Variants in TASOR2 observed in about 807,000 individuals in gnomAD.
TASOR2 encodes transcription activation suppressor family member 2, also known as protein TASOR 2.
A neutral mutation model predicts 199.5 loss-of-function variants in TASOR2; 84 were observed. That is an observed-to-expected ratio of 0.42 (90% CI 0.35 to 0.50). TASOR2 has a LOEUF of 0.50. Among genes scored for constraint, TASOR2 ranks in the 20% least tolerant of loss-of-function variants. TASOR2 has a pLI of 0.02. For synonymous variants in TASOR2, 1,103 were observed against 1,046.6 expected, an observed-to-expected ratio of 1.05 and a Z score of -1.04; for missense variants, 2,796 against 2,835.9, an observed-to-expected ratio of 0.99 and a Z score of 0.32.
intron 1 of TASOR2, among the ~76,000 whole-genome samples, chr10:5,703,746 G>A (rs1157304353): frequency 1.3e-5 from 2 of 151,222 alleles, no homozygotes; most frequent in South Asian, 2.1e-4. Flanking sequence ...CTCGTGATCC[G>A]CCCGCCTCTG....
rs1403919902 is a variant in TASOR2 at position 5,720,294 on chromosome 10, C to G, written c.-99-250C>G. 3 of 985,328 alleles carry G rather than the reference C, an allele frequency of 3.0e-6. No homozygotes were observed. Among genetic ancestry groups the G allele is most frequent in the Middle Eastern group, 5.2e-4 (1 of 1,914 alleles). The allele number at this position is 985,328 out of a possible 1,614,324, so 61.0% of individuals were successfully genotyped here. A position where few individuals can be genotyped will look rare whatever the true frequency, so the allele number is the denominator to read the frequency against. On this transcript the variant is annotated intron_variant, in intron 3 of 20. Transcript: ENST00000328090. This position sits in a 1 kb window ranked among gnomAD's most constrained non-coding sequence, Gnocchi z 5.3. ...AAGTTTGTGTCTGAGAATTATACAA[C>G]TAACTATACTAAGCCATCTTCTGGC...
intron 18 of TASOR2, among the ~76,000 whole-genome samples, chr10:5,760,164 G>C (rs1839589836): frequency 6.6e-6 from 1 of 152,194 alleles, no homozygotes; most frequent in South Asian, 2.1e-4. Context: ...CTGTACATGT[G>C]ACTGTACTGA....
At position 5,701,924 on chromosome 10, in the gene TASOR2, CT is replaced by C. The variant is rs71388466; in HGVS notation, c.-287-10895del. 0.66 allele frequency among the ~76,000 whole-genome samples: 100,669 copies of C among 152,038 alleles called. 33,604 individuals carry two copies. Among genetic ancestry groups the C allele is most frequent in the African/African-American group, 0.75 (31,073 of 41,482 alleles). Reference sequence around the variant, plus strand: ...TGTGAACAGGCTTATTTGACTTCTTCTTTTCTGATTTGGATGCCCTCTATTT... The same window carrying C: ...TGTGAACAGGCTTATTTGACTTCTTCTTTCTGATTTGGATGCCCTCTATTT... On this transcript the variant is annotated intron_variant, in intron 1 of 20. Coordinates refer to ENST00000328090, the Ensembl canonical transcript of TASOR2. The surrounding 1 kb of genome is among the most constrained non-coding windows in gnomAD (Gnocchi z 4.9).
At chr10:5,708,055 A>T (rs943805198) in intron 1 of TASOR2, among the ~76,000 whole-genome samples, 2 of 152,130 alleles carry the variant, frequency 1.3e-5, no homozygotes, top group African/African-American at 4.8e-5. Context: ...TTCTACCTCC[A>T]GTTCTTTTTG....
chr10:5,749,223 C>T, exon 15 of TASOR2: 4 of 1,614,122 alleles, frequency 2.5e-6, no homozygotes, highest in Non-Finnish European at 3.4e-6. Context: ...CAAAAGAACT[C>T]AAAGATACCA....
intron 1 of TASOR2, among the ~76,000 whole-genome samples, chr10:5,686,305 TGTTAAAATGG>T (rs540849572): frequency 6.6e-6 from 1 of 152,348 alleles, no homozygotes; most frequent in East Asian, 1.9e-4. Flanking sequence ...CAAACATAGT[TGTTAAAATGG>T]GTTAAAATCG....
At chr10:5,729,442 T>G (rs2131590960) in intron 10 of TASOR2, among the ~76,000 whole-genome samples, 1 of 152,342 alleles carries the variant, frequency 6.6e-6, no homozygotes, top group East Asian at 1.9e-4. Flanking sequence ...GGCTCACGCC[T>G]GTAATCCCAG....
At chr10:5,761,184 A>G in intron 18 of TASOR2, 106 bp from the exon 20 acceptor site, 1 of 833,768 alleles carries the variant, frequency 1.2e-6, no homozygotes, top group Non-Finnish European at 1.7e-6. Flanking sequence ...AACGTCAAGA[A>G]GAAAGGCAGA....
In TASOR2 at chr10:5,702,703, C is replaced by T. The variant is rs141909732; in HGVS notation, c.-287-10120C>T. On this transcript the variant is annotated intron_variant, in intron 1 of 20. Coordinates refer to ENST00000328090, the Ensembl canonical transcript of TASOR2. The stretch of plus-strand genomic sequence containing the variant: ...TACGACAGCCAAAAGAGATCCAAAA[C>T]GGGCAAAACTGGAGCCCCAAAAAAG... 1.6e-3 allele frequency among the ~76,000 whole-genome samples: 192 copies of T among 116,532 alleles called. 3 individuals carry two copies. The East Asian group carries it at 0.031, about 19-fold the overall frequency. The allele number at this position is 116,532 out of a possible 152,430, so 76.4% of individuals were successfully genotyped here. A position where few individuals can be genotyped will look rare whatever the true frequency, so the allele number is the denominator to read the frequency against.
Position 5,742,127 on chromosome 10 carries a change from G to T in TASOR2, c.2358G>T (p.Val786=), listed in dbSNP as rs1836521743. 1 of 1,613,962 alleles carries T rather than the reference G, an allele frequency of 6.2e-7. No individual in the cohort carries two copies. The highest frequency in any genetic ancestry group is 8.5e-7 in the Non-Finnish European group (1 of 1,180,000). The change falls in exon 14 of 21, where the codon GTG becomes GTT. Residue 786 remains valine, a synonymous_variant. Transcript: ENST00000328090. This position sits in a 1 kb window ranked among gnomAD's most constrained non-coding sequence, Gnocchi z 4.2. Reference sequence around the variant, plus strand: ...GGAATACTGATTTGCCTGATAATGTGGAAGAAGTGAAGCTTTTACTTCATA... The same window carrying T: ...GGAATACTGATTTGCCTGATAATGTTGAAGAAGTGAAGCTTTTACTTCATA...
At chr10:5,717,705 G>T (rs1832830206) in exon 3 of TASOR2, 2 of 1,225,858 alleles carry the variant, frequency 1.6e-6, no homozygotes, top group South Asian at 4.1e-5. Flanking sequence ...CAAGACCATG[G>T]TATCATGGGA....
Position 5,699,648 on chromosome 10 carries a change from A to T in TASOR2, c.-287-13175A>T, listed in dbSNP as rs911996742. The stretch of plus-strand genomic sequence containing the variant: ...AATGGGAACCAGCAGAAAAAAAGAA[A>T]TAGAGAAAAATGATCAAGCCATTTC... On this transcript the variant is annotated intron_variant, in intron 1 of 20. Transcript: ENST00000328090. The surrounding 1 kb of genome is among the most constrained non-coding windows in gnomAD (Gnocchi z 4.1). The T allele has an allele frequency of 1.2e-4, 25 of 208,814 alleles. No individual in the cohort carries two copies. Among genetic ancestry groups the T allele is most frequent in the African/African-American group, 4.9e-4 (21 of 42,566 alleles). 12.9% of individuals were successfully genotyped at this position (208,814 alleles called of 1,614,324 possible).
In TASOR2 at chr10:5,722,670, A is replaced by C. The variant is rs749431801; in HGVS notation, c.147-1007A>C. 6.6e-6 allele frequency among the ~76,000 whole-genome samples: 1 copy of C among 152,104 alleles called. No homozygotes were observed. Among genetic ancestry groups the C allele is most frequent in the African/African-American group, 2.4e-5 (1 of 41,424 alleles). ...AAAGAGTTCTTTGTCCTATGTTTGC[A>C]ACTTTTGTATAAGTGTAAAAGCATT... is the stretch of plus-strand genomic sequence containing the variant. On this transcript the variant is annotated intron_variant, in intron 6 of 20. Coordinates refer to ENST00000328090, the Ensembl canonical transcript of TASOR2. The surrounding 1 kb of genome is among the most constrained non-coding windows in gnomAD (Gnocchi z 4.0).
At position 5,762,665 on chromosome 10, in the gene TASOR2, T is replaced by A; in HGVS notation, c.7289+19T>A. 1.7e-6 allele frequency: 2 copies of A among 1,158,342 alleles called. No individual in the cohort carries two copies. The highest frequency in any genetic ancestry group is 2.5e-6 in the Non-Finnish European group (2 of 795,660). 71.8% of individuals were successfully genotyped at this position (1,158,342 alleles called of 1,614,324 possible). A position where few individuals can be genotyped will look rare whatever the true frequency, so the allele number is the denominator to read the frequency against. On this transcript the variant is annotated intron_variant, in intron 20 of 20. Transcript: ENST00000328090. ...GCTATTGGTAAGAACACTTTTTATG[T>A]AACTTTCCCATGTGAGTTGGAGTTG...
At chr10:5,744,637 G>A (rs750172431) in intron 14 of TASOR2, among the ~76,000 whole-genome samples, 2 of 151,928 alleles carry the variant, frequency 1.3e-5, no homozygotes, top group Non-Finnish European at 2.9e-5. Flanking sequence ...GTTTTGTTTT[G>A]TTTGAGACAG....
intron 1 of TASOR2, among the ~76,000 whole-genome samples, chr10:5,705,350 T>C (rs1168556202): frequency 3.3e-5 from 5 of 152,204 alleles, no homozygotes; most frequent in Admixed American, 3.3e-4. Flanking sequence ...TTGCTGATTA[T>C]TATTATGTGT....
At chr10:5,695,268 A>G (rs920626118) in intron 1 of TASOR2, among the ~76,000 whole-genome samples, 5 of 152,228 alleles carry the variant, frequency 3.3e-5, no homozygotes, top group Non-Finnish European at 5.9e-5. Flanking sequence ...TGGCTCATTA[A>G]GGAAAATGAC....
intron 1 of TASOR2, among the ~76,000 whole-genome samples, chr10:5,697,672 A>T (rs1837324909): frequency 6.6e-6 from 1 of 152,182 alleles, no homozygotes; most frequent in South Asian, 2.1e-4. Flanking sequence ...GAGATTAGAT[A>T]AGGAACAAGG....
At chr10:5,716,286 G>T (rs1832617748) in intron 2 of TASOR2, among the ~76,000 whole-genome samples, 1 of 152,018 alleles carries the variant, frequency 6.6e-6, no homozygotes, top group African/African-American at 2.4e-5. Flanking sequence ...TGGACATACG[G>T]GTTATTTCTA....
Sources: gnomAD v4.1 joint callset for allele counts (sites outside exome capture counted in the v4.1 genomes callset) on GRCh38, gnomAD v4.1.1 for gene constraint, Gnocchi (gnomAD v3.1) non-coding constraint, MANE v1.5 for transcripts, NCBI Gene and HGNC (gene_info 2026-07-23, HGNC 2026-07-21) for gene names.